GALNTL6: variants seen among roughly 807,000 people sequenced by gnomAD.
The protein encoded by GALNTL6 is polypeptide N-acetylgalactosaminyltransferase-like 6.
A neutral mutation model predicts 73.7 loss-of-function variants in GALNTL6; 46 were observed. That is an observed-to-expected ratio of 0.62 (90% CI 0.49 to 0.80). GALNTL6 has a LOEUF of 0.80. Ranked by LOEUF, GALNTL6 falls within the 30% of genes least tolerant of loss-of-function variation. The pLI, the probability that GALNTL6 is intolerant of heterozygous loss-of-function variation, is 0.00. For synonymous variants in GALNTL6, 259 were observed against 263.7 expected (o/e 0.98, Z 0.17); for missense variants, 604 against 755.0 (o/e 0.80, Z 2.34).
chr4:172,410,779 T>C (rs1306269454), intron 5 of GALNTL6, among the ~76,000 whole-genome samples: 1 of 152,134 alleles, frequency 6.6e-6, no homozygotes, highest in Admixed American at 6.6e-5. Context: ...TACTGGGCTT[T>C]TTTATTGGCT....
chr4:172,783,439 A>G (rs1483166691), intron 5 of GALNTL6, among the ~76,000 whole-genome samples: 3 of 147,758 alleles, frequency 2.0e-5, no homozygotes, highest in Non-Finnish European at 4.5e-5. Flanking sequence ...TATTTATAAC[A>G]CTATTTATAA....
intron 5 of GALNTL6, among the ~76,000 whole-genome samples, chr4:172,394,329 A>T (rs1743769298): frequency 6.6e-6 from 1 of 152,144 alleles, no homozygotes; most frequent in South Asian, 2.1e-4. Flanking sequence ...TGTGAGAGCC[A>T]TGGAGTTTCT....
At chr4:172,036,916 G>A (rs1741944594) in intron 2 of GALNTL6, among the ~76,000 whole-genome samples, 2 of 152,120 alleles carry the variant, frequency 1.3e-5, no homozygotes, top group Admixed American at 1.3e-4. Flanking sequence ...GGGATAACAT[G>A]AAGTTTTGAA....
rs116406672 is a variant in GALNTL6 at position 172,602,640 on chromosome 4, C to T, written c.554-206721C>T. Among the ~76,000 whole-genome samples the T allele has an allele frequency of 8.4e-3, 1,281 of 152,144 alleles. 15 individuals are homozygous for T. The highest frequency in any genetic ancestry group is 0.03 in the African/African-American group (1,230 of 41,512). On this transcript the variant is annotated intron_variant, in intron 5 of 12. Transcript: ENST00000506823. Reference sequence around the variant, plus strand: ...AAAGAATTCTCATACATTGACCATTCGAATATTAAATTTTTCAGCCACTTG... The same window carrying T: ...AAAGAATTCTCATACATTGACCATTTGAATATTAAATTTTTCAGCCACTTG...
intron 2 of GALNTL6, among the ~76,000 whole-genome samples, chr4:172,136,024 T>C (rs1050665561): frequency 3.3e-5 from 5 of 152,140 alleles, no homozygotes; most frequent in African/African-American, 1.2e-4. Flanking sequence ...CCACTTCTTG[T>C]TTTTAGTTAG....
At chr4:172,010,392 T>C (rs1047474933) in intron 2 of GALNTL6, among the ~76,000 whole-genome samples, 5 of 152,144 alleles carry the variant, frequency 3.3e-5, no homozygotes, top group East Asian at 3.9e-4. Flanking sequence ...AAAACCATGT[T>C]AGGTAATACC....
rs190665995 is a variant in GALNTL6 at position 172,397,735 on chromosome 4, G to A, written c.553+49046G>A. 6.6e-5 allele frequency among the ~76,000 whole-genome samples: 10 copies of A among 151,828 alleles called. No homozygotes were observed. In the East Asian group the frequency reaches 7.8e-4, roughly 12 times the overall value. On this transcript the variant is annotated intron_variant, in intron 5 of 12. Coordinates refer to ENST00000506823, the MANE Select transcript of GALNTL6 (RefSeq NM_001034845.3). Reference sequence around the variant, plus strand: ...TGAGATGACAGGCATGTGTTACCACGCCCAGCTAATTTTTGTATTTTTTAG... The same window carrying A: ...TGAGATGACAGGCATGTGTTACCACACCCAGCTAATTTTTGTATTTTTTAG...
chr4:172,328,769 G>T (rs559328580), intron 4 of GALNTL6, among the ~76,000 whole-genome samples: 12 of 152,016 alleles, frequency 7.9e-5, no homozygotes, highest in Admixed American at 7.9e-4. Context: ...GTGTCATTTC[G>T]TTGTGATTCT....
intron 5 of GALNTL6, among the ~76,000 whole-genome samples, chr4:172,789,745 C>T (rs1343760706): frequency 1.3e-5 from 2 of 152,148 alleles, no homozygotes; most frequent in East Asian, 3.9e-4. Flanking sequence ...GGGCAGGAAC[C>T]TTCCTGGGAA....
intron 5 of GALNTL6, among the ~76,000 whole-genome samples, chr4:172,776,362 G>A (rs886848421): frequency 2.0e-5 from 3 of 152,124 alleles, no homozygotes; most frequent in Non-Finnish European, 4.4e-5. Flanking sequence ...AAAAATAGGA[G>A]GATCAGCAGC....
chr4:172,873,116 T>C (rs1745028871), intron 7 of GALNTL6, among the ~76,000 whole-genome samples: 1 of 152,250 alleles, frequency 6.6e-6, no homozygotes, highest in African/African-American at 2.4e-5. Context: ...TCATAAACTT[T>C]CTTGGATTGG....
rs576993904 is a variant in GALNTL6, at chr4:172,718,835, A to G, written c.554-90526A>G. On this transcript the variant is annotated intron_variant, in intron 5 of 12. Transcript: ENST00000506823. Reference sequence around the variant, plus strand: ...TTTTAAAAAATAACAGCAATAGACCATCATCTTCCTATTGCTGCTGCAGAT... The same window carrying G: ...TTTTAAAAAATAACAGCAATAGACCGTCATCTTCCTATTGCTGCTGCAGAT... Among the ~76,000 whole-genome samples, 5 of 152,278 alleles carry G rather than the reference A, an allele frequency of 3.3e-5. No individual in the cohort carries two copies. The East Asian group carries it at 7.7e-4, about 23-fold the overall frequency.
At chr4:172,810,785 C>G (rs1741250571) in intron 6 of GALNTL6, among the ~76,000 whole-genome samples, 1 of 152,134 alleles carries the variant, frequency 6.6e-6, no homozygotes, top group Admixed American at 6.5e-5. Flanking sequence ...TTAAAAGTAC[C>G]TTGTCCAAGG....
At chr4:171,817,823 G>T (rs1734561003) in intron 2 of GALNTL6, among the ~76,000 whole-genome samples, 1 of 151,440 alleles carries the variant, frequency 6.6e-6, no homozygotes, top group Non-Finnish European at 1.5e-5. Context: ...AGTTTTTTAT[G>T]GTTTGGGATC....
chr4:172,042,864 TAAAAAAAAAAAA>T (rs397996272), intron 2 of GALNTL6, among the ~76,000 whole-genome samples: 4 of 44,400 alleles, frequency 9.0e-5, no homozygotes, highest in Non-Finnish European at 1.2e-4. Context: ...TCTTTAACAG[TAAAAAAAAAAAA>T]AAAAAAAAAA....
chr4:172,029,842 T>C (rs956948541), intron 2 of GALNTL6, among the ~76,000 whole-genome samples: 1 of 152,126 alleles, frequency 6.6e-6, no homozygotes, highest in African/African-American at 2.4e-5. Context: ...ATGATTTTTA[T>C]AGAATTAATA....
chr4:171,903,868 C>T (rs1317438503), intron 2 of GALNTL6, among the ~76,000 whole-genome samples: 1 of 152,106 alleles, frequency 6.6e-6, no homozygotes, highest in Non-Finnish European at 1.5e-5. Context: ...TGGCAGGCAC[C>T]CCCCAGCAGG....
intron 5 of GALNTL6, among the ~76,000 whole-genome samples, chr4:172,645,509 G>C (rs1434392188): frequency 6.6e-6 from 1 of 151,776 alleles, no homozygotes; most frequent in African/African-American, 2.4e-5. Context: ...GTATGTGTGG[G>C]AATACTTTTG....
intron 10 of GALNTL6, among the ~76,000 whole-genome samples, chr4:172,954,772 A>AT (rs986020827): frequency 3.3e-5 from 5 of 151,840 alleles, no homozygotes; most frequent in South Asian, 2.1e-4. Context: ...CCGGCAACAG[A>AT]TTTTTTTTTC....
Sources: gnomAD v4.1 joint callset for allele counts (sites outside exome capture counted in the v4.1 genomes callset) on GRCh38, gnomAD v4.1.1 for gene constraint, MANE v1.5 for transcripts, NCBI Gene and HGNC (gene_info 2026-07-23, HGNC 2026-07-21) for gene names.